Variants in CSPP1 observed in about 807,000 individuals in gnomAD.
The protein encoded by CSPP1 is centrosome and spindle pole-associated protein 1.
CSPP1 carries 126 observed loss-of-function variants against 164.4 expected under a neutral mutation model. That is an observed-to-expected ratio of 0.77 (90% CI 0.66 to 0.89). The LOEUF (loss-of-function observed/expected upper bound fraction) is 0.89. Ranked by LOEUF, CSPP1 falls within the 40% of genes least tolerant of loss-of-function variation. The pLI is 0.00. For missense variants in CSPP1, 1,395 were observed against 1,449.8 expected, an observed-to-expected ratio of 0.96 and a Z score of 0.61; for synonymous variants, 472 against 476.7, an observed-to-expected ratio of 0.99 and a Z score of 0.13.
At chr8:67,112,712 C>T (rs149579787) in intron 10 of CSPP1, among the ~76,000 whole-genome samples, 1 of 152,234 alleles carries the variant, frequency 6.6e-6, no homozygotes, top group African/African-American at 2.4e-5. Flanking sequence ...TTCCCAACTC[C>T]CTTCTCCCTG....
chr8:67,085,920 T>C, intron 3 of CSPP1, 87 bp from the exon 4 acceptor site: 1 of 708,162 alleles, frequency 1.4e-6, no homozygotes, highest in Non-Finnish European at 2.6e-6. Context: ...CATAATTCTG[T>C]TCCTTCTTAC....
intron 7 of CSPP1, among the ~76,000 whole-genome samples, chr8:67,100,998 A>G (rs1813971461): frequency 6.6e-6 from 1 of 152,110 alleles, no homozygotes; most frequent in African/African-American, 2.4e-5. Flanking sequence ...AAATGATACA[A>G]TGCAAAATCA....
intron 22 of CSPP1, among the ~76,000 whole-genome samples, chr8:67,163,388 G>T (rs1828740496): frequency 6.6e-6 from 1 of 152,122 alleles, no homozygotes; most frequent in Admixed American, 6.5e-5. Flanking sequence ...AGGCTGAGAG[G>T]AAGGTGCTTG....
chr8:67,107,524 G>A (rs1351431840), intron 9 of CSPP1, among the ~76,000 whole-genome samples: 1 of 152,096 alleles, frequency 6.6e-6, no homozygotes, highest in Admixed American at 6.6e-5. Flanking sequence ...TAAGACAATG[G>A]ACTCTAACAT....
chr8:67,072,217 C>G (rs1024603149), intron 1 of CSPP1, among the ~76,000 whole-genome samples: 1 of 151,722 alleles, frequency 6.6e-6, no homozygotes, highest in African/African-American at 2.4e-5. Context: ...TGTTTGAACC[C>G]AAGAGGCGGA....
intron 28 of CSPP1, among the ~76,000 whole-genome samples, chr8:67,181,756 AC>A (rs1261082324): frequency 3.3e-5 from 5 of 152,190 alleles, no homozygotes; most frequent in Non-Finnish European, 7.4e-5. Flanking sequence ...CTATTGTGCA[AC>A]CACCACTATC....
intron 24 of CSPP1, among the ~76,000 whole-genome samples, chr8:67,171,587 A>G (rs1027957567): frequency 1.3e-5 from 2 of 151,472 alleles, no homozygotes; most frequent in Non-Finnish European, 2.9e-5. Context: ...TTGCTCTGTC[A>G]CCCAAGCTGG....
At chr8:67,094,754 A>G (rs73693111) in intron 6 of CSPP1, among the ~76,000 whole-genome samples, 5,055 of 152,232 alleles carry the variant, frequency 0.033, 267 homozygotes, top group African/African-American at 0.11. Flanking sequence ...GTAAACCACA[A>G]TCAAGATAAC....
chr8:67,121,114 A>G (rs566277322), intron 15 of CSPP1, among the ~76,000 whole-genome samples: 1 of 152,162 alleles, frequency 6.6e-6, no homozygotes, highest in South Asian at 2.1e-4. Context: ...CAGCCTCCCA[A>G]AGTCCTGGGA....
At chr8:67,186,640 C>T (rs1834691181) in intron 28 of CSPP1, among the ~76,000 whole-genome samples, 1 of 152,142 alleles carries the variant, frequency 6.6e-6, no homozygotes, top group African/African-American at 2.4e-5. Context: ...TTTCTCACCA[C>T]TGATTAACAT....
intron 3 of CSPP1, among the ~76,000 whole-genome samples, chr8:67,078,009 T>A (rs1373077651): frequency 1.3e-5 from 2 of 152,098 alleles, no homozygotes; most frequent in African/African-American, 4.8e-5. Context: ...AGGCTCTCAA[T>A]TTTTTTTCTG....
At chr8:67,126,260 C>G (rs889712375) in intron 15 of CSPP1, among the ~76,000 whole-genome samples, 3 of 152,098 alleles carry the variant, frequency 2.0e-5, no homozygotes, top group African/African-American at 7.2e-5. Context: ...CTTTTTTCCC[C>G]GTATGTATGG....
At chr8:67,173,590 T>G (rs1830903779) in intron 25 of CSPP1, 1 of 152,106 alleles carries the variant, frequency 6.6e-6, no homozygotes, top group Non-Finnish European at 1.5e-5. Context: ...ATCACTTTAG[T>G]CAAACTACCT....
chr8:67,104,457 C>T (rs1436755110), intron 8 of CSPP1, among the ~76,000 whole-genome samples: 1 of 151,698 alleles, frequency 6.6e-6, no homozygotes, highest in Non-Finnish European at 1.5e-5. Context: ...TTTGTAGAGT[C>T]AGGATCTCTG....
intron 28 of CSPP1, among the ~76,000 whole-genome samples, chr8:67,190,212 G>A (rs1835825145): frequency 1.3e-5 from 2 of 152,166 alleles, no homozygotes; most frequent in African/African-American, 4.8e-5. Context: ...AAAATATGAC[G>A]TATCCATATG....
chr8:67,139,178 CA>C (rs907185731), intron 17 of CSPP1, among the ~76,000 whole-genome samples: 145 of 152,240 alleles, frequency 9.5e-4, no homozygotes, highest in African/African-American at 3.4e-3. Context: ...AAAAAGTAGG[CA>C]AAGGATATGA....
intron 11 of CSPP1, 115 bp downstream of exon 11, chr8:67,113,977 G>T (rs1385516206): frequency 1.7e-6 from 1 of 585,644 alleles, no homozygotes; most frequent in East Asian, 2.8e-5. Flanking sequence ...AATTTGAACA[G>T]TAATAAAATT....
chr8:67,184,818 G>A lies in CSPP1; in HGVS notation c.3220+4892G>A, dbSNP rs184117641. On this transcript the variant is annotated intron_variant, in intron 28 of 30. Coordinates refer to ENST00000678616, the MANE Select transcript of CSPP1 (RefSeq NM_001382391.1). The stretch of plus-strand genomic sequence containing the variant: ...GGTCCCATGAACGTTAAAAACAGTC[G>A]GCCGGGCACGGTGGCTCAAGCCTGT... Among the ~76,000 whole-genome samples the A allele has an allele frequency of 7.9e-4, 117 of 147,190 alleles. 1 individual carries two copies. The highest frequency in any genetic ancestry group is 2.7e-3 in the African/African-American group (110 of 40,226).
chr8:67,065,473 A>G, intron 1 of CSPP1: 1 of 915,178 alleles, frequency 1.1e-6, no homozygotes, highest in South Asian at 5.0e-5. Context: ...AAAAGCCTAA[A>G]TTAGGCTTTA....
Sources: gnomAD v4.1 joint callset for allele counts (sites outside exome capture counted in the v4.1 genomes callset) on GRCh38, gnomAD v4.1.1 for gene constraint, MANE v1.5 for transcripts, NCBI Gene and HGNC (gene_info 2026-07-23, HGNC 2026-07-21) for gene names.